ZRANB3: variants seen among roughly 807,000 people sequenced by gnomAD.
The protein encoded by ZRANB3 is zinc finger RANBP2-type containing 3, also known as DNA annealing helicase and endonuclease ZRANB3.
In ZRANB3, 125 loss-of-function variants were observed where a neutral mutation model predicts 133.8. The ratio of observed to expected loss-of-function variants is 0.93; its 90% confidence interval spans 0.81 to 1.08. The LOEUF (loss-of-function observed/expected upper bound fraction) is 1.08, where lower values mean the gene tolerates loss of function less well. Among genes scored for constraint, ZRANB3 ranks in the 50% least tolerant of loss-of-function variants. ZRANB3 has a pLI of 0.00. For missense variants in ZRANB3, 1,229 were observed against 1,275.5 expected, an observed-to-expected ratio of 0.96 and a Z score of 0.56; for synonymous variants, 387 against 432.7, an observed-to-expected ratio of 0.89 and a Z score of 1.31.
intron 6 of ZRANB3, among the ~76,000 whole-genome samples, chr2:135,339,713 T>C (rs1684543834): frequency 6.6e-6 from 1 of 152,256 alleles, no homozygotes; most frequent in African/African-American, 2.4e-5. Flanking sequence ...TAGGTAAAAC[T>C]TTGTCTTACT....
At chr2:135,451,826 A>T (rs1293074958) in intron 2 of ZRANB3, among the ~76,000 whole-genome samples, 1 of 152,226 alleles carries the variant, frequency 6.6e-6, no homozygotes, top group East Asian at 1.9e-4. Context: ...GAGATATGTG[A>T]CGCACAAAAA....
intron 14 of ZRANB3, among the ~76,000 whole-genome samples, chr2:135,227,110 A>G (rs1282227179): frequency 6.6e-6 from 1 of 152,246 alleles, no homozygotes; most frequent in African/African-American, 2.4e-5. Flanking sequence ...GTTTATCTGA[A>G]TAAGAATATC....
chr2:135,504,127 C>T, intron 2 of ZRANB3: 2 of 656,644 alleles, frequency 3.0e-6, no homozygotes, highest in South Asian at 3.2e-5. Context: ...AACATACTTT[C>T]TCTTAAGAAA....
intron 6 of ZRANB3, among the ~76,000 whole-genome samples, chr2:135,329,034 C>A (rs1044574610): frequency 1.3e-5 from 2 of 152,188 alleles, no homozygotes; most frequent in African/African-American, 4.8e-5. Flanking sequence ...ATGATAGTTT[C>A]TTTTGCAGTG....
At chr2:135,426,155 A>G (rs1359219959) in intron 2 of ZRANB3, among the ~76,000 whole-genome samples, 1 of 152,142 alleles carries the variant, frequency 6.6e-6, no homozygotes, top group Non-Finnish European at 1.5e-5. Context: ...GATCCCTGAA[A>G]AGACCAATGA....
In ZRANB3 at chr2:135,207,516, AAGAGT is replaced by A; in HGVS notation, c.2922_2926del (p.Glu974AspfsTer9). The A allele has an allele frequency of 6.2e-7, 1 of 1,614,022 alleles. No individual in the cohort carries two copies. Among genetic ancestry groups the A allele is most frequent in the Non-Finnish European group, 8.5e-7 (1 of 1,179,900 alleles). ...TTTAGGGGCATCTCTCAGACGTAAAAAGAGTTCTTGTGCGTTCACATTACAGAGCT... is the reference window on the plus strand; with the variant it reads ...TTTAGGGGCATCTCTCAGACGTAAAATCTTGTGCGTTCACATTACAGAGCT... On this transcript the variant is annotated frameshift_variant, in exon 19 of 21. Coordinates refer to ENST00000264159, the MANE Select transcript of ZRANB3 (RefSeq NM_032143.4). LOFTEE classifies it high-confidence loss of function.
chr2:135,510,414 A>C, intron 1 of ZRANB3: 1 of 351,216 alleles, frequency 2.8e-6, no homozygotes, highest in Non-Finnish European at 5.2e-6. Context: ...ACACAAAAGA[A>C]GTAAAATTAT....
At chr2:135,232,676 G>A (rs1187573765) in intron 12 of ZRANB3, among the ~76,000 whole-genome samples, 2 of 152,178 alleles carry the variant, frequency 1.3e-5, no homozygotes, top group African/African-American at 4.8e-5. Context: ...TGATACCCAG[G>A]CAAACAGGGT....
intron 8 of ZRANB3, among the ~76,000 whole-genome samples, chr2:135,282,508 T>C (rs115965753): frequency 0.032 from 4,865 of 152,252 alleles, 251 homozygotes; most frequent in African/African-American, 0.11. Flanking sequence ...GCCCAAATTT[T>C]CCCAAAGAAA....
intron 8 of ZRANB3, among the ~76,000 whole-genome samples, chr2:135,300,550 G>A (rs1682378431): frequency 1.3e-5 from 2 of 152,118 alleles, no homozygotes; most frequent in Admixed American, 1.3e-4. Context: ...ATGGGGGTCT[G>A]GGCACAAAAT....
chr2:135,323,021 A>AT (rs112690803), intron 6 of ZRANB3, among the ~76,000 whole-genome samples: 40 of 147,628 alleles, frequency 2.7e-4, no homozygotes, highest in South Asian at 8.6e-4. Context: ...AAAAAAAAAA[A>AT]TTTTTTTTTT....
At chr2:135,351,523 G>T (rs1685208608) in intron 4 of ZRANB3, among the ~76,000 whole-genome samples, 1 of 152,090 alleles carries the variant, frequency 6.6e-6, no homozygotes, top group Admixed American at 6.5e-5. Context: ...TTACAGGCGT[G>T]AGCCACCGTG....
At chr2:135,378,235 G>A (rs955231029) in intron 3 of ZRANB3, among the ~76,000 whole-genome samples, 1 of 152,218 alleles carries the variant, frequency 6.6e-6, no homozygotes, top group Non-Finnish European at 1.5e-5. Context: ...GCTGACACCT[G>A]TAATCCCAGC....
intron 8 of ZRANB3, among the ~76,000 whole-genome samples, chr2:135,285,070 C>G (rs188715855): frequency 6.6e-6 from 1 of 152,052 alleles, no homozygotes; most frequent in Non-Finnish European, 1.5e-5. Context: ...GTCTCGAACT[C>G]CCGGCCTCAG....
chr2:135,228,303 C>T (rs1694838633), intron 13 of ZRANB3: 1 of 199,344 alleles, frequency 5.0e-6, no homozygotes, highest in Non-Finnish European at 9.9e-6. Flanking sequence ...GAGAACACAA[C>T]TAAGTTTTGT....
chr2:135,301,513 C>G lies in ZRANB3; in HGVS notation c.966+11976G>C, dbSNP rs1022913453. On this transcript the variant is annotated intron_variant, in intron 8 of 20. Transcript: ENST00000264159. Reference sequence around the variant, plus strand: ...GTTTAATTTTTTGTAGAGGTGTGGTCTCACTATGTTGCCCAGGCTGGAGAA... The same window carrying G: ...GTTTAATTTTTTGTAGAGGTGTGGTGTCACTATGTTGCCCAGGCTGGAGAA... 2.0e-5 allele frequency among the ~76,000 whole-genome samples: 3 copies of G among 151,930 alleles called. No homozygotes were observed. In the East Asian group the frequency reaches 5.8e-4, roughly 29 times the overall value.
intron 12 of ZRANB3, among the ~76,000 whole-genome samples, chr2:135,238,059 T>C (rs1695381237): frequency 6.6e-6 from 1 of 152,228 alleles, no homozygotes; most frequent in Admixed American, 6.5e-5. Context: ...AGCTACATCA[T>C]TGCATGTTTT....
At chr2:135,288,584 C>T (rs1573837158) in intron 8 of ZRANB3, among the ~76,000 whole-genome samples, 1 of 152,082 alleles carries the variant, frequency 6.6e-6, no homozygotes, top group African/African-American at 2.4e-5. Flanking sequence ...AATCTTGCTG[C>T]TTGTTATTGG....
At chr2:135,354,977 T>C (rs1308367556) in intron 3 of ZRANB3, among the ~76,000 whole-genome samples, 1 of 152,006 alleles carries the variant, frequency 6.6e-6, no homozygotes, top group Non-Finnish European at 1.5e-5. Context: ...AAAGAGAGAC[T>C]AAAAGACAGG....
Sources: gnomAD v4.1 joint callset for allele counts (sites outside exome capture counted in the v4.1 genomes callset) on GRCh38, gnomAD v4.1.1 for gene constraint, MANE v1.5 for transcripts, NCBI Gene and HGNC (gene_info 2026-07-23, HGNC 2026-07-21) for gene names.